Variants in RIMS2 observed in about 807,000 individuals in gnomAD.
RIMS2 encodes the protein regulating synaptic membrane exocytosis 2.
RIMS2 carries 59 observed loss-of-function variants against 174.4 expected under a neutral mutation model. That is an observed-to-expected ratio of 0.34 (90% CI 0.27 to 0.42). The LOEUF (loss-of-function observed/expected upper bound fraction) is 0.42. RIMS2 is among the 10% of genes least tolerant of loss of function. RIMS2 has a pLI of 1.00. For synonymous variants in RIMS2, 606 were observed against 572.5 expected (o/e 1.06, Z -0.84); for missense variants, 1,620 against 1,666.3 (o/e 0.97, Z 0.48).
chr8:104,102,541 A>G (rs1204827561), intron 19 of RIMS2, among the ~76,000 whole-genome samples: 1 of 152,194 alleles, frequency 6.6e-6, no homozygotes, highest in Non-Finnish European at 1.5e-5. Flanking sequence ...TATAAACTGT[A>G]TTAGTCCATT....
At chr8:104,202,278 T>A (rs1466023770) in intron 19 of RIMS2, among the ~76,000 whole-genome samples, 2 of 152,208 alleles carry the variant, frequency 1.3e-5, no homozygotes, top group African/African-American at 4.8e-5. Flanking sequence ...TTATGGAAAT[T>A]CACTTTACAG....
At chr8:103,542,761 G>A (rs1843108108) in intron 1 of RIMS2, among the ~76,000 whole-genome samples, 1 of 152,046 alleles carries the variant, frequency 6.6e-6, no homozygotes, top group Non-Finnish European at 1.5e-5. Context: ...ACAGAATGAA[G>A]GACAAAAATC....
At chr8:103,665,850 G>T (rs2136218173) in intron 1 of RIMS2, among the ~76,000 whole-genome samples, 1 of 152,112 alleles carries the variant, frequency 6.6e-6, no homozygotes, top group African/African-American at 2.4e-5. Flanking sequence ...TGTCTTTCAT[G>T]GCCCAAATGC....
intron 3 of RIMS2, among the ~76,000 whole-genome samples, chr8:103,771,762 T>A (rs1254665875): frequency 6.6e-6 from 1 of 152,098 alleles, no homozygotes; most frequent in East Asian, 1.9e-4. Flanking sequence ...TCTTTCACTA[T>A]TTTTTTCCTC....
At chr8:103,886,320 G>A (rs1231409468) in intron 4 of RIMS2, 97 bp downstream of exon 7, 8 of 1,007,528 alleles carry the variant, frequency 7.9e-6, no homozygotes, top group Non-Finnish European at 9.9e-6. Context: ...GGTATTACTA[G>A]TAGCTTTATT....
chr8:103,542,219 C>T (rs770094300), intron 1 of RIMS2, among the ~76,000 whole-genome samples: 1 of 152,002 alleles, frequency 6.6e-6, no homozygotes, highest in South Asian at 2.1e-4. Context: ...TAACTATACA[C>T]CAAAAAACTG....
chr8:103,886,164 C>T (rs1216208011), exon 4 of RIMS2: 6 of 1,612,200 alleles, frequency 3.7e-6, no homozygotes, highest in African/African-American at 1.3e-5. Flanking sequence ...TTGGCTTCCA[C>T]GCCTGAATAT....
intron 1 of RIMS2, among the ~76,000 whole-genome samples, chr8:103,657,562 C>T (rs1305668860): frequency 1.3e-5 from 2 of 152,224 alleles, no homozygotes; most frequent in South Asian, 2.1e-4. Context: ...GCAAGGATTG[C>T]CCTGTCAACA....
At chr8:103,785,436 T>A (rs971609500) in intron 3 of RIMS2, among the ~76,000 whole-genome samples, 3 of 152,054 alleles carry the variant, frequency 2.0e-5, no homozygotes, top group Non-Finnish European at 4.4e-5. Context: ...TATTTTGAGA[T>A]ACATCCCATC....
intron 14 of RIMS2, among the ~76,000 whole-genome samples, chr8:103,950,591 C>A (rs765981499): frequency 6.6e-6 from 1 of 152,084 alleles, no homozygotes; most frequent in African/African-American, 2.4e-5. Flanking sequence ...CAATGTTCAT[C>A]CCTGTAAAAG....
intron 19 of RIMS2, among the ~76,000 whole-genome samples, chr8:104,113,026 G>A (rs1451499461): frequency 6.6e-6 from 1 of 151,876 alleles, no homozygotes; most frequent in Admixed American, 6.6e-5. Flanking sequence ...ATACTTTTCT[G>A]CTAATGGTTC....
At chr8:103,892,663 A>G (rs183705173) in intron 4 of RIMS2, among the ~76,000 whole-genome samples, 1 of 152,236 alleles carries the variant, frequency 6.6e-6, no homozygotes, top group East Asian at 1.9e-4. Context: ...TTGAATAAAA[A>G]GGACTCAATC....
At chr8:103,921,314 G>T (rs1391506091) in intron 9 of RIMS2, among the ~76,000 whole-genome samples, 1 of 151,920 alleles carries the variant, frequency 6.6e-6, no homozygotes, top group Non-Finnish European at 1.5e-5. Flanking sequence ...TTGCTTTAAT[G>T]ATTTATGTTT....
chr8:104,146,291 A>C (rs1599896283), intron 19 of RIMS2, among the ~76,000 whole-genome samples: 1 of 151,904 alleles, frequency 6.6e-6, no homozygotes, highest in East Asian at 1.9e-4. Context: ...GAAAATCAAA[A>C]TCACTTGAGC....
chr8:103,640,310 T>C (rs921327934), intron 1 of RIMS2, among the ~76,000 whole-genome samples: 2 of 151,928 alleles, frequency 1.3e-5, no homozygotes, highest in Non-Finnish European at 2.9e-5. Flanking sequence ...AATTTATCAA[T>C]TTATTGGTCT....
chr8:103,857,444 A>C (rs932410335), intron 3 of RIMS2, among the ~76,000 whole-genome samples: 3 of 152,096 alleles, frequency 2.0e-5, no homozygotes, highest in Non-Finnish European at 2.9e-5. Context: ...ATTTAACTCA[A>C]TATTTAATAT....
chr8:104,031,629 A>G (rs2096395095), intron 19 of RIMS2, among the ~76,000 whole-genome samples: 1 of 152,152 alleles, frequency 6.6e-6, no homozygotes. Context: ...TGTTATGCAT[A>G]TTATCTAATG....
chr8:104,035,880 C>A (rs1221406655), intron 19 of RIMS2, among the ~76,000 whole-genome samples: 2 of 151,812 alleles, frequency 1.3e-5, no homozygotes, highest in Non-Finnish European at 2.9e-5. Flanking sequence ...GTAAGACAAA[C>A]AAATGTTTTA....
chr8:103,756,962 C>T (rs182345491), intron 2 of RIMS2, among the ~76,000 whole-genome samples: 181 of 140,408 alleles, frequency 1.3e-3, no homozygotes, highest in African/African-American at 4.5e-3. Flanking sequence ...CATCCTTTCT[C>T]GTATGTGTGT....
Sources: gnomAD v4.1 joint callset for allele counts (sites outside exome capture counted in the v4.1 genomes callset) on GRCh38, gnomAD v4.1.1 for gene constraint, MANE v1.5 for transcripts, NCBI Gene and HGNC (gene_info 2026-07-23, HGNC 2026-07-21) for gene names.